Variants in FXR1 observed in about 807,000 individuals in gnomAD.
FXR1 encodes the protein RNA-binding protein FXR1.
A neutral mutation model predicts 84.0 loss-of-function variants in FXR1; 15 were observed. The observed-to-expected ratio is 0.18, with a 90% CI of 0.12 to 0.27. FXR1 has a LOEUF of 0.27. Among genes scored for constraint, FXR1 ranks in the 10% least tolerant of loss-of-function variants. The pLI, the probability that FXR1 is intolerant of heterozygous loss-of-function variation, is 1.00. For synonymous variants in FXR1, 245 were observed against 250.7 expected (o/e 0.98, Z 0.21); for missense variants, 480 against 774.4 (o/e 0.62, Z 4.51).
intron 1 of FXR1, among the ~76,000 whole-genome samples, chr3:180,921,942 G>A (rs952897056): frequency 6.6e-6 from 1 of 151,922 alleles, no homozygotes; most frequent in Non-Finnish European, 1.5e-5. Context: ...CACTATGCTC[G>A]TAGAATTGTA....
intron 15 of FXR1, chr3:180,970,936 T>A (rs946118954): frequency 8.3e-6 from 2 of 240,028 alleles, no homozygotes; most frequent in Admixed American, 1.0e-4. Flanking sequence ...GTATTTCCTG[T>A]CAGTAAACAT....
intron 8 of FXR1, among the ~76,000 whole-genome samples, chr3:180,952,796 A>G (rs540969560): frequency 1.4e-5 from 2 of 147,086 alleles, no homozygotes; most frequent in East Asian, 2.0e-4. Flanking sequence ...AATTTGAGCT[A>G]TGGTTTTAAA....
At chr3:180,922,285 A>G (rs1718684858) in intron 1 of FXR1, among the ~76,000 whole-genome samples, 1 of 152,228 alleles carries the variant, frequency 6.6e-6, no homozygotes. Flanking sequence ...TTCTCCATCA[A>G]TAATAAATGG....
chr3:180,912,786 T>C lies in FXR1; in HGVS notation c.51+50T>C, dbSNP rs755730688. 1.5e-5 allele frequency: 24 copies of C among 1,613,156 alleles called. No homozygotes were observed. The Admixed American group carries it at 3.7e-4, about 25-fold the overall frequency. On this transcript the variant is annotated intron_variant, in intron 1 of 16. Coordinates refer to ENST00000357559, the MANE Select transcript of FXR1 (RefSeq NM_005087.4). ...CGAGTGTTCTGGGTGCTGGAGCGCGTTTGAGGGAGGGTTGGTGGTCCCAGA... is the reference window on the plus strand; with the variant it reads ...CGAGTGTTCTGGGTGCTGGAGCGCGCTTGAGGGAGGGTTGGTGGTCCCAGA...
intron 3 of FXR1, among the ~76,000 whole-genome samples, chr3:180,940,446 A>G (rs1720991847): frequency 6.6e-6 from 1 of 152,172 alleles, no homozygotes; most frequent in Non-Finnish European, 1.5e-5. Flanking sequence ...CCCTCATTTC[A>G]CATGTAACAT....
chr3:180,961,604 C>T (rs762597614), intron 11 of FXR1, 50 bp downstream of exon 11: 6 of 840,752 alleles, frequency 7.1e-6, no homozygotes, highest in Non-Finnish European at 1.2e-5. Flanking sequence ...GCATTTACTA[C>T]ATAAATGTTG....
intron 13 of FXR1, among the ~76,000 whole-genome samples, chr3:180,965,143 A>T (rs991826214): frequency 7.9e-5 from 12 of 151,612 alleles, no homozygotes; most frequent in African/African-American, 2.9e-4. Flanking sequence ...CAGCTTCCTG[A>T]GTAGCTGGGA....
intron 2 of FXR1, 74 bp from the exon 3 acceptor site, chr3:180,935,064 C>T (rs1720362978): frequency 1.5e-6 from 1 of 663,906 alleles, no homozygotes. Context: ...GATAAACTAA[C>T]TTGAAAAAAT....
At chr3:180,972,316 T>C (rs1038712372) in intron 15 of FXR1, among the ~76,000 whole-genome samples, 2 of 151,916 alleles carry the variant, frequency 1.3e-5, no homozygotes, top group African/African-American at 2.4e-5. Flanking sequence ...ATTAGCTGGG[T>C]GTGGTAGTGC....
At chr3:180,940,559 G>A (rs1318463285) in intron 3 of FXR1, among the ~76,000 whole-genome samples, 1 of 148,990 alleles carries the variant, frequency 6.7e-6, no homozygotes. Flanking sequence ...GTGATAACGT[G>A]TTTAGTTTTT....
chr3:180,968,376 GA>G, intron 14 of FXR1, 122 bp downstream of exon 14: 2 of 677,524 alleles, frequency 3.0e-6, no homozygotes, highest in Middle Eastern at 7.6e-4. Context: ...TTGTCTTAGA[GA>G]AAGTAGTGGA....
intron 1 of FXR1, among the ~76,000 whole-genome samples, chr3:180,928,458 CTG>C (rs1719491622): frequency 6.9e-6 from 1 of 145,092 alleles, no homozygotes; most frequent in Non-Finnish European, 1.5e-5. Flanking sequence ...CACATACACA[CTG>C]TTAATATTTC....
intron 3 of FXR1, among the ~76,000 whole-genome samples, chr3:180,946,209 C>T (rs772816439): frequency 7.9e-5 from 12 of 152,166 alleles, no homozygotes; most frequent in African/African-American, 1.2e-4. Flanking sequence ...TCAGGCTATG[C>T]AGTAAGGAAA....
At chr3:180,919,288 G>GTTT (rs3071953) in intron 1 of FXR1, among the ~76,000 whole-genome samples, 6 of 135,650 alleles carry the variant, frequency 4.4e-5, no homozygotes, top group African/African-American at 1.1e-4. Flanking sequence ...TTTTATTTTT[G>GTTT]TTTTTTTTTT....
intron 1 of FXR1, among the ~76,000 whole-genome samples, chr3:180,922,248 C>T (rs1718681096): frequency 6.6e-6 from 1 of 152,104 alleles, no homozygotes; most frequent in Non-Finnish European, 1.5e-5. Flanking sequence ...AGATTGCTTT[C>T]CAAAAAGGCT....
chr3:180,957,962 A>G (rs755457990), intron 10 of FXR1, 34 bp downstream of exon 10: 20 of 994,310 alleles, frequency 2.0e-5, no homozygotes, highest in Non-Finnish European at 2.8e-5. Context: ...CCTCTTTAAA[A>G]TGTCCTTTTT....
At position 180,976,588 on chromosome 3, in the gene FXR1, G is replaced by T. The variant is rs1714266208; in HGVS notation, c.*296G>T. On this transcript the variant is annotated 3_prime_UTR_variant, in exon 17 of 17. Transcript: ENST00000357559. ...GTTTTCAAAATATGGCAGAGATGGGGGGTGGTGGGTGGGGTGGGATCCCTA... is the reference window on the plus strand; with the variant it reads ...GTTTTCAAAATATGGCAGAGATGGGTGGTGGTGGGTGGGGTGGGATCCCTA... The T allele has an allele frequency of 1.1e-5, 2 of 177,470 alleles. No homozygotes were observed. The highest frequency in any genetic ancestry group is 4.7e-5 in the African/African-American group (2 of 42,440). 11.0% of individuals were successfully genotyped at this position (177,470 alleles called of 1,614,324 possible). A position where few individuals can be genotyped will look rare whatever the true frequency, so the allele number is the denominator to read the frequency against.
chr3:180,944,347 G>T (rs1438603308), intron 3 of FXR1, among the ~76,000 whole-genome samples: 2 of 150,902 alleles, frequency 1.3e-5, no homozygotes, highest in African/African-American at 2.4e-5. Context: ...TTGAGACAGG[G>T]TCTCGCTCTG....
In FXR1 at chr3:180,963,045, G is replaced by A. The variant is rs1417565250; in HGVS notation, c.1153G>A (p.Gly385Arg). The A allele has an allele frequency of 4.4e-6, 7 of 1,607,012 alleles. No individual in the cohort carries two copies. Among genetic ancestry groups the A allele is most frequent in the African/African-American group, 2.7e-5 (2 of 74,650 alleles). Reference sequence around the variant, plus strand: ...TGTACAAGGTTCTAGGTCTTATAGCGGAAGAGGCAGAGGTCGTCGGGGACC... The same window carrying A: ...TGTACAAGGTTCTAGGTCTTATAGCAGAAGAGGCAGAGGTCGTCGGGGACC... Reference protein sequence around the residue: ...LRQIGSRSYSGRGRGRRGPNY... With the variant: ...LRQIGSRSYSRRGRGRRGPNY... Residue 385 changes from glycine (G) to arginine (R), a missense_variant, in exon 13 of 17, where the codon GGA (glycine) becomes AGA (arginine). By Grantham distance (125) the Gly-to-Arg change is moderately radical. Coordinates refer to ENST00000357559, the MANE Select transcript of FXR1 (RefSeq NM_005087.4).
Sources: gnomAD v4.1 joint callset for allele counts (sites outside exome capture counted in the v4.1 genomes callset) on GRCh38, gnomAD v4.1.1 for gene constraint, MANE v1.5 for transcripts, NCBI Gene and HGNC (gene_info 2026-07-23, HGNC 2026-07-21) for gene names.